ADAMTSL1: variants seen among roughly 807,000 people sequenced by gnomAD.
The protein encoded by ADAMTSL1 is ADAMTS like 1.
A neutral mutation model predicts 201.8 loss-of-function variants in ADAMTSL1; 126 were observed. That is an observed-to-expected ratio of 0.62 (90% CI 0.54 to 0.72). ADAMTSL1 has a LOEUF of 0.72. ADAMTSL1 is among the 30% of genes least tolerant of loss of function. The pLI is 0.00. For synonymous variants in ADAMTSL1, 1,121 were observed against 903.4 expected (o/e 1.24, Z -4.32); for missense variants, 2,679 against 2,277.8 (o/e 1.18, Z -3.59).
chr9:18,676,993 C>T (rs80352342), intron 10 of ADAMTSL1, among the ~76,000 whole-genome samples: 268 of 152,014 alleles, frequency 1.8e-3, no homozygotes, highest in East Asian at 0.011. Context: ...TATATATTTA[C>T]GCAAATATGC....
intron 2 of ADAMTSL1, among the ~76,000 whole-genome samples, chr9:18,232,043 C>T (rs569873036): frequency 1.3e-5 from 2 of 152,290 alleles, no homozygotes; most frequent in African/African-American, 4.8e-5. Context: ...TAAGTCACAT[C>T]GTGTCACCCC....
chr9:18,333,469 C>A lies in ADAMTSL1; in HGVS notation c.207+169488C>A, dbSNP rs12379092. On this transcript the variant is annotated intron_variant, in intron 2 of 29. Coordinates refer to the ADAMTSL1 transcript ENST00000680146. ...CAGCCATGTGGAATTGTGAGTCAAA[C>A]CTCTTTTATTTATAAATTATGCAGT... Among the ~76,000 whole-genome samples, 10 of 152,248 alleles carry A rather than the reference C, an allele frequency of 6.6e-5. No homozygotes were observed. The East Asian group carries it at 1.7e-3, about 26-fold the overall frequency.
At chr9:18,857,703 G>T (rs1826951041) in intron 23 of ADAMTSL1, among the ~76,000 whole-genome samples, 1 of 152,166 alleles carries the variant, frequency 6.6e-6, no homozygotes, top group Non-Finnish European at 1.5e-5. Context: ...TTGTGAGGAG[G>T]TCCCCTGGGA....
At chr9:18,620,070 T>C (rs907779911) in intron 4 of ADAMTSL1, among the ~76,000 whole-genome samples, 1 of 149,422 alleles carries the variant, frequency 6.7e-6, no homozygotes, top group African/African-American at 2.5e-5. Context: ...CCTCTCCAAT[T>C]AGTTAGTATC....
intron 2 of ADAMTSL1, among the ~76,000 whole-genome samples, chr9:18,448,428 G>C (rs989939950): frequency 1.3e-5 from 2 of 151,902 alleles, no homozygotes; most frequent in Non-Finnish European, 2.9e-5. Flanking sequence ...AGGGAGAAAA[G>C]GGAAAGAATT....
chr9:18,590,670 T>G (rs1421067875), intron 4 of ADAMTSL1, among the ~76,000 whole-genome samples: 1 of 152,106 alleles, frequency 6.6e-6, no homozygotes, highest in East Asian at 1.9e-4. Flanking sequence ...AATGTCCATC[T>G]TAGTATCACT....
chr9:18,187,004 C>T (rs1828767587), intron 2 of ADAMTSL1, among the ~76,000 whole-genome samples: 1 of 152,140 alleles, frequency 6.6e-6, no homozygotes, highest in Non-Finnish European at 1.5e-5. Context: ...CTCTGGAATA[C>T]TTCAGTGGAA....
At chr9:18,384,385 C>T (rs1400792120) in intron 2 of ADAMTSL1, among the ~76,000 whole-genome samples, 3 of 152,110 alleles carry the variant, frequency 2.0e-5, no homozygotes, top group Non-Finnish European at 4.4e-5. Context: ...GTCCCTCCCC[C>T]AACATTGGGA....
intron 2 of ADAMTSL1, among the ~76,000 whole-genome samples, chr9:18,394,905 G>A (rs377269895): frequency 6.6e-6 from 1 of 152,198 alleles, no homozygotes; most frequent in Non-Finnish European, 1.5e-5. Flanking sequence ...TGGGAAAAAA[G>A]TCTGCAAATG....
At chr9:18,792,144 C>T (rs1373496277) in intron 19 of ADAMTSL1, among the ~76,000 whole-genome samples, 4 of 152,108 alleles carry the variant, frequency 2.6e-5, no homozygotes, top group Non-Finnish European at 1.5e-5. Context: ...ATATCATGTG[C>T]CCCTCTCACT....
upstream of ADAMTSL1, among the ~76,000 whole-genome samples, chr9:18,471,005 C>G (rs1821188061): frequency 6.6e-6 from 1 of 152,206 alleles, no homozygotes; most frequent in Non-Finnish European, 1.5e-5. Context: ...CAACGCCCTG[C>G]TCAGATGCCG....
chr9:18,905,442 G>T (rs1205243534), intron 26 of ADAMTSL1: 1 of 271,270 alleles, frequency 3.7e-6, no homozygotes, highest in East Asian at 8.3e-5. Flanking sequence ...CTATTTAAGG[G>T]TCTTCAGTTC....
intron 1 of ADAMTSL1, among the ~76,000 whole-genome samples, chr9:17,989,974 G>T (rs1325181711): frequency 1.4e-5 from 2 of 147,336 alleles, no homozygotes; most frequent in African/African-American, 5.0e-5. Context: ...TCTTCTTGAT[G>T]TAAGAACAAG....
rs770640551 is a variant in ADAMTSL1 at position 18,889,707 on chromosome 9, G to A, written c.4602G>A (p.Ala1534=). ...ACTGCGCAGGGAAGGTTCGCCCTGC[G>A]GTGCAGCCCATCGCGTGCAACCGGA... The part of the protein sequence containing the change: ...PAHCAGKVRP[A]VQPIACNRRD... The change falls in exon 25 of 29, where the codon GCG becomes GCA. Residue 1534 remains alanine, a synonymous_variant. Transcript: ENST00000380548. The A allele has an allele frequency of 2.6e-5, 41 of 1,567,776 alleles. No individual in the cohort carries two copies. The highest frequency in any genetic ancestry group is 1.0e-4 in the South Asian group (9 of 85,826).
At chr9:18,628,761 T>C (rs1330828022) in intron 5 of ADAMTSL1, among the ~76,000 whole-genome samples, 2 of 152,220 alleles carry the variant, frequency 1.3e-5, no homozygotes. Context: ...TCTCTTTGAT[T>C]AGCCTTTATT....
intron 23 of ADAMTSL1, among the ~76,000 whole-genome samples, chr9:18,874,226 T>C (rs1828012282): frequency 6.6e-6 from 1 of 152,126 alleles, no homozygotes; most frequent in South Asian, 2.1e-4. Flanking sequence ...TATATGATTA[T>C]ATCATTGGTG....
intron 1 of ADAMTSL1, among the ~76,000 whole-genome samples, chr9:17,975,552 G>A (rs964935031): frequency 2.6e-5 from 4 of 151,984 alleles, no homozygotes; most frequent in Non-Finnish European, 4.4e-5. Flanking sequence ...GTTAACTATG[G>A]CCATTAGGTT....
At chr9:18,031,149 G>C (rs1261945753) in intron 1 of ADAMTSL1, among the ~76,000 whole-genome samples, 1 of 152,012 alleles carries the variant, frequency 6.6e-6, no homozygotes, top group Non-Finnish European at 1.5e-5. Context: ...TGAATTCTAT[G>C]TCTATGCTTC....
intron 5 of ADAMTSL1, among the ~76,000 whole-genome samples, chr9:18,625,042 A>G (rs1826268437): frequency 6.6e-6 from 1 of 152,128 alleles, no homozygotes; most frequent in Admixed American, 6.6e-5. Flanking sequence ...AGAATCTTCC[A>G]TCTTATATTT....
Sources: allele counts gnomAD v4.1 joint callset (sites outside exome capture counted in the v4.1 genomes callset), GRCh38; gene constraint gnomAD v4.1.1; transcripts MANE v1.5; gene names NCBI Gene and HGNC (gene_info 2026-07-23, HGNC 2026-07-21).